Variants in DNAH14 observed in about 807,000 individuals in gnomAD.
DNAH14 encodes axonemal beta dynein heavy chain 14.
Under a neutral mutation model 520.9 loss-of-function variants are expected in DNAH14, and 478 were observed. The ratio of observed to expected loss-of-function variants is 0.92; its 90% CI spans 0.85 to 0.99. The LOEUF (loss-of-function observed/expected upper bound fraction) is 0.99. DNAH14 is among the 50% of genes least tolerant of loss of function. The probability of loss-of-function intolerance (pLI) is 0.00; values close to 1 mark genes in which losing one functional copy is unlikely to be tolerated. For missense variants in DNAH14, 4,831 were observed against 5,234.5 expected, an observed-to-expected ratio of 0.92 and a Z score of 2.38; for synonymous variants, 1,581 against 1,757.2, an observed-to-expected ratio of 0.90 and a Z score of 2.51.
At chr1:225,226,068 A>T (rs1279104397) in intron 41 of DNAH14, among the ~76,000 whole-genome samples, 1 of 151,870 alleles carries the variant, frequency 6.6e-6, no homozygotes, top group Non-Finnish European at 1.5e-5. Flanking sequence ...GTACATTGCA[A>T]CTCTCATAGG....
chr1:225,290,777 G>A (rs2093869505), intron 55 of DNAH14, among the ~76,000 whole-genome samples: 1 of 148,942 alleles, frequency 6.7e-6, no homozygotes, highest in South Asian at 2.1e-4. Flanking sequence ...AATTGTACAT[G>A]TGTTTATGGG....
chr1:225,321,419 CTAAAA>C (rs1051773884), intron 61 of DNAH14, among the ~76,000 whole-genome samples: 2 of 152,122 alleles, frequency 1.3e-5, no homozygotes, highest in African/African-American at 4.8e-5. Flanking sequence ...ACTCCTGAAA[CTAAAA>C]TAAAAGTTGA....
chr1:225,133,723 C>G (rs1450804639), intron 27 of DNAH14, among the ~76,000 whole-genome samples: 1 of 152,028 alleles, frequency 6.6e-6, no homozygotes, highest in East Asian at 1.9e-4. Context: ...TTTTTTGGTT[C>G]CATATGAATT....
Position 225,345,877 on chromosome 1 carries a change from C to G in DNAH14, c.10679-85C>G, listed in dbSNP as rs182878872. 28 of 1,182,250 alleles carry G rather than the reference C, an allele frequency of 2.4e-5. No individual in the cohort carries two copies. The Admixed American group carries it at 5.3e-4, about 23-fold the overall frequency. The allele number at this position is 1,182,250 out of a possible 1,614,324, so 73.2% of individuals were successfully genotyped here. A position where few individuals can be genotyped will look rare whatever the true frequency, so the allele number is the denominator to read the frequency against. Reference sequence around the variant, plus strand: ...CCAATAAGAAGCCAACAGTACAAACCCTTACACAAAGAGTGCAGAGTGAGG... The same window carrying G: ...CCAATAAGAAGCCAACAGTACAAACGCTTACACAAAGAGTGCAGAGTGAGG... On this transcript the variant is annotated intron_variant, in intron 69 of 85. Transcript: ENST00000682510.
At position 224,964,535 on chromosome 1, in the gene DNAH14, T is replaced by C; in HGVS notation, c.424T>C (p.Trp142Arg). 1 of 1,610,592 alleles carries C rather than the reference T, an allele frequency of 6.2e-7. No homozygotes were observed. Among genetic ancestry groups the C allele is most frequent in the South Asian group, 1.1e-5 (1 of 90,474 alleles). Reference sequence around the variant, plus strand: ...TATTAGGCTACGAGAAAAGCTTGGTTGGCAAACTATATTACCGCAGCACAG... The same window carrying C: ...TATTAGGCTACGAGAAAAGCTTGGTCGGCAAACTATATTACCGCAGCACAG... ...NIIRLREKLG[W>R]QTILPQHSLK... Residue 142 changes from tryptophan to arginine, a missense_variant, in exon 5 of 86, where the codon TGG (tryptophan) becomes CGG (arginine). By Grantham distance (101) the Trp-to-Arg change is moderately radical (BLOSUM62 -3). Coordinates refer to ENST00000682510, the MANE Select transcript of DNAH14 (RefSeq NM_001367479.1).
chr1:225,178,203 G>T (rs1026939124), intron 36 of DNAH14, among the ~76,000 whole-genome samples: 4 of 152,142 alleles, frequency 2.6e-5, no homozygotes, highest in Non-Finnish European at 5.9e-5. Context: ...ATTTGGAATG[G>T]CTATGTATTA....
At chr1:225,067,172 G>T (rs991758376) in intron 17 of DNAH14, among the ~76,000 whole-genome samples, 2 of 152,122 alleles carry the variant, frequency 1.3e-5, no homozygotes, top group African/African-American at 4.8e-5. Flanking sequence ...ATGTGTCCAT[G>T]TGCTCTCATC....
At position 224,960,185 on chromosome 1, in the gene DNAH14, A is replaced by G. The variant is rs2060756311; in HGVS notation, c.250A>G (p.Met84Val). 6.2e-7 allele frequency: 1 copy of G among 1,603,182 alleles called. No individual in the cohort carries two copies. The highest frequency in any genetic ancestry group is 8.5e-7 in the Non-Finnish European group (1 of 1,176,448). The change falls in exon 4 of 86, where the codon ATG becomes GTG. Residue 84 changes from methionine (M) to valine (V), a missense_variant. By Grantham distance (21) the Met-to-Val change is conservative. Coordinates refer to ENST00000682510, the MANE Select transcript of DNAH14 (RefSeq NM_001367479.1). ...TAGAGAAAGTATAATTCAACAACAT[A>G]TGGTTTCTCCAGAGCCAGCTTCCCT... ...YLRESIIQQH[M>V]VSPEPASLKE...
At chr1:225,014,971 A>G (rs2065093376) in intron 10 of DNAH14, among the ~76,000 whole-genome samples, 2 of 152,086 alleles carry the variant, frequency 1.3e-5, no homozygotes, top group African/African-American at 4.8e-5. Flanking sequence ...ATATATCTGG[A>G]TAGTCTAGTG....
chr1:225,383,547 C>T (rs2095804152), intron 81 of DNAH14, among the ~76,000 whole-genome samples: 1 of 152,172 alleles, frequency 6.6e-6, no homozygotes, highest in Non-Finnish European at 1.5e-5. Flanking sequence ...GAGACCATTG[C>T]TCACTTGACA....
intron 17 of DNAH14, among the ~76,000 whole-genome samples, chr1:225,078,901 C>T (rs967860947): frequency 5.1e-5 from 3 of 58,394 alleles, no homozygotes; most frequent in Non-Finnish European, 7.3e-5. Context: ...TCTCTCTCCC[C>T]GCTTTTCTGC....
chr1:225,165,468 T>A (rs1246981783), intron 35 of DNAH14, among the ~76,000 whole-genome samples: 1 of 152,102 alleles, frequency 6.6e-6, no homozygotes, highest in Non-Finnish European at 1.5e-5. Flanking sequence ...GTTTCAAGAG[T>A]TTGCAGCATC....
chr1:225,327,248 C>T (rs1346384571), intron 64 of DNAH14, among the ~76,000 whole-genome samples: 1 of 152,022 alleles, frequency 6.6e-6, no homozygotes, highest in Non-Finnish European at 1.5e-5. Flanking sequence ...AGCTCCGCCT[C>T]CCGGGTTCAC....
intron 43 of DNAH14, among the ~76,000 whole-genome samples, chr1:225,250,936 A>G (rs931982235): frequency 2.6e-5 from 4 of 152,144 alleles, no homozygotes; most frequent in African/African-American, 9.7e-5. Context: ...TCTGACTGGC[A>G]TCCTTAGAAG....
chr1:225,190,145 T>C (rs1050308954), intron 37 of DNAH14, among the ~76,000 whole-genome samples: 3 of 151,970 alleles, frequency 2.0e-5, no homozygotes, highest in Non-Finnish European at 4.4e-5. Context: ...ATATACTATG[T>C]TTTTTCCCAT....
At chr1:225,331,645 A>G in intron 65 of DNAH14, 68 bp downstream of exon 65, 1 of 1,539,964 alleles carries the variant, frequency 6.5e-7, no homozygotes, top group East Asian at 2.4e-5. Flanking sequence ...CCAAGATGTT[A>G]TTTTCACTGC....
intron 42 of DNAH14, among the ~76,000 whole-genome samples, chr1:225,234,958 G>C (rs1016780366): frequency 1.3e-5 from 2 of 151,990 alleles, no homozygotes; most frequent in African/African-American, 4.8e-5. Flanking sequence ...GAGATGATGG[G>C]GTTTTCTAGA....
Position 225,207,214 on chromosome 1 carries a change from G to T in DNAH14, c.6433G>T (p.Glu2145Ter). Residue 2145 changes from glutamate (E) to a stop codon, truncating the protein, a stop_gained, in exon 41 of 86, where the codon GAA becomes TAA. Coordinates refer to ENST00000682510, the MANE Select transcript of DNAH14 (RefSeq NM_001367479.1). LOFTEE classifies it high-confidence loss of function. ...CTTCATGGGTAAAAATGGAGGATTT[G>T]AACAAAGTGAGTTTTTTTCTCTAAG... ...FDFMGKNGGF[E>*]QSDDLNDTSS... The T allele has an allele frequency of 1.3e-6, 2 of 1,513,374 alleles. No homozygotes were observed. The highest frequency in any genetic ancestry group is 2.5e-5 in the South Asian group (2 of 78,522). The allele number at this position is 1,513,374 out of a possible 1,614,324, so 93.7% of individuals were successfully genotyped here.
At chr1:225,221,024 C>T (rs529276309) in intron 41 of DNAH14, among the ~76,000 whole-genome samples, 51 of 152,124 alleles carry the variant, frequency 3.4e-4, no homozygotes, top group Non-Finnish European at 5.0e-4. Flanking sequence ...AGCTGATCTT[C>T]GAGAAACTTG....
Sources: gnomAD v4.1 joint callset for allele counts (sites outside exome capture counted in the v4.1 genomes callset) on GRCh38, gnomAD v4.1.1 for gene constraint, MANE v1.5 for transcripts, NCBI Gene and HGNC (gene_info 2026-07-23, HGNC 2026-07-21) for gene names.